The following POLR3E variants were observed in gnomAD, a reference collection of about 807,000 sequenced individuals.
The protein encoded by POLR3E is RNA polymerase III subunit E.
A neutral mutation model predicts 96.6 loss-of-function variants in POLR3E; 41 were observed. The ratio of observed to expected loss-of-function variants is 0.42; its 90% CI spans 0.33 to 0.55. POLR3E has a LOEUF of 0.55. Among genes scored for constraint, POLR3E ranks in the 20% least tolerant of loss-of-function variants. POLR3E has a pLI of 0.06. For synonymous variants in POLR3E, 396 were observed against 383.6 expected, an observed-to-expected ratio of 1.03 and a Z score of -0.38; for missense variants, 849 against 952.1, an observed-to-expected ratio of 0.89 and a Z score of 1.43.
intron 3 of POLR3E, among the ~76,000 whole-genome samples, chr16:22,305,792 T>C (rs886896462): frequency 6.6e-6 from 1 of 152,180 alleles, no homozygotes; most frequent in African/African-American, 2.4e-5. Flanking sequence ...GTGGCCAACA[T>C]GTATTGAGCA....
At chr16:22,298,873 C>T in intron 1 of POLR3E, 1 of 436,132 alleles carries the variant, frequency 2.3e-6, no homozygotes, top group Non-Finnish European at 4.6e-6. Context: ...TTGAGAGAAC[C>T]AGCACTGGAT....
chr16:22,321,355 A>G (rs1258109485), intron 13 of POLR3E, among the ~76,000 whole-genome samples: 3 of 152,240 alleles, frequency 2.0e-5, no homozygotes, highest in African/African-American at 7.2e-5. Context: ...AGAAAATACA[A>G]TGCCTTGAAA....
intron 3 of POLR3E, among the ~76,000 whole-genome samples, chr16:22,307,092 C>T (rs1326227237): frequency 1.3e-5 from 2 of 152,198 alleles, no homozygotes; most frequent in African/African-American, 2.4e-5. Context: ...CCTGAGCCAC[C>T]ATCGGCTCTG....
chr16:22,299,970 C>T (rs2047989283), intron 1 of POLR3E, among the ~76,000 whole-genome samples: 1 of 152,142 alleles, frequency 6.6e-6, no homozygotes, highest in Admixed American at 6.5e-5. Context: ...CCACCTAAGC[C>T]TCCCAAAGTG....
intron 1 of POLR3E, among the ~76,000 whole-genome samples, chr16:22,298,610 A>C (rs868325843): frequency 1.3e-5 from 2 of 152,130 alleles, no homozygotes; most frequent in Non-Finnish European, 2.9e-5. Flanking sequence ...TACCCACTTA[A>C]CCATACTGCC....
rs920180811 is a variant in POLR3E at position 22,322,020 on chromosome 16, T to G, written c.987-830T>G. On this transcript the variant is annotated intron_variant, in intron 13 of 20. Coordinates refer to ENST00000299853, the MANE Select transcript of POLR3E (RefSeq NM_018119.4). This position sits in a 1 kb window ranked among gnomAD's most constrained non-coding sequence, Gnocchi z 5.2. ...GGCTGTTACATTTGAGCTCCCTGAA[T>G]GCAGAGATCATGGCATGGACCAGGT... Among the ~76,000 whole-genome samples, 8 of 152,290 alleles carry G rather than the reference T, an allele frequency of 5.3e-5. No homozygotes were observed. The highest frequency in any genetic ancestry group is 3.9e-4 in the Admixed American group (6 of 15,298).
chr16:22,302,772 A>G, intron 1 of POLR3E, 159 bp from the exon 2 acceptor site: 1 of 676,616 alleles, frequency 1.5e-6, no homozygotes, highest in East Asian at 2.5e-5. Flanking sequence ...GATGGGGTAT[A>G]GGGTTGGTCA....
At chr16:22,316,532 C>T (rs2048358469) in intron 9 of POLR3E, 69 bp from the exon 10 acceptor site, 1 of 1,271,684 alleles carries the variant, frequency 7.9e-7, no homozygotes, top group Admixed American at 1.8e-5. Flanking sequence ...GACGGGAGGC[C>T]TTGGGGGAGG....
chr16:22,305,559 C>G (rs1364094796), intron 3 of POLR3E: 1 of 490,194 alleles, frequency 2.0e-6, no homozygotes, highest in Non-Finnish European at 4.0e-6. Context: ...GTGATAATGC[C>G]TGCCTCATAG....
chr16:22,316,601 G>A lies in POLR3E; in HGVS notation c.643G>A (p.Asp215Asn). Residue 215 changes from aspartate to asparagine, a missense_variant and splice_region_variant, in exon 10 of 21, where the codon GAC becomes AAC. Coordinates refer to ENST00000299853, the MANE Select transcript of POLR3E (RefSeq NM_018119.4). ...WVHLHYYGLRDSRSEHERQYL... is the reference protein window; with the variant it reads ...WVHLHYYGLRNSRSEHERQYL... ...CTCACACCCTGCCCTCCTCCAACAG[G>A]ACAGTCGCTCTGAGCATGAGCGTCA... is the stretch of plus-strand genomic sequence containing the variant. 2 of 1,613,228 alleles carry A rather than the reference G, an allele frequency of 1.2e-6. No homozygotes were observed. The highest frequency in any genetic ancestry group is 1.7e-6 in the Non-Finnish European group (2 of 1,179,266).
At chr16:22,325,642 G>C (rs916243151) in intron 17 of POLR3E, 119 bp from the exon 18 acceptor site, 2 of 1,245,162 alleles carry the variant, frequency 1.6e-6, no homozygotes, top group Non-Finnish European at 2.2e-6. Flanking sequence ...GCTGATTTTC[G>C]AGAAAGGTTG....
Position 22,313,593 on chromosome 16 carries a change from G to A in POLR3E, c.365-27G>A, listed in dbSNP as rs773688711. On this transcript the variant is annotated intron_variant, in intron 6 of 20. Transcript: ENST00000299853. This position sits in a 1 kb window ranked among gnomAD's most constrained non-coding sequence, Gnocchi z 4.1. ...CCAAACTGGGTGGGTTTCTAGAGTTGAGTCCAAGCCCTTCTTCCTCCGCCA... is the reference window on the plus strand; with the variant it reads ...CCAAACTGGGTGGGTTTCTAGAGTTAAGTCCAAGCCCTTCTTCCTCCGCCA... 1 of 1,526,808 alleles carries A rather than the reference G, an allele frequency of 6.5e-7. No individual in the cohort carries two copies. The highest frequency in any genetic ancestry group is 1.1e-5 in the South Asian group (1 of 89,210). 94.6% of individuals were successfully genotyped at this position (1,526,808 alleles called of 1,614,324 possible).
At chr16:22,312,216 C>T (rs975963147) in intron 6 of POLR3E, among the ~76,000 whole-genome samples, 3 of 152,052 alleles carry the variant, frequency 2.0e-5, no homozygotes, top group Non-Finnish European at 4.4e-5. Context: ...GAATTATGGC[C>T]GGGAGTGGTG....
chr16:22,305,217 G>T lies in POLR3E; in HGVS notation c.87+11G>T. On this transcript the variant is annotated intron_variant, in intron 3 of 20. Coordinates refer to ENST00000299853, the MANE Select transcript of POLR3E (RefSeq NM_018119.4). ...CTGTATCTATTTCAGGTAATTATGG[G>T]ACTTGAAGGTAAAGAGGGGAGAAGC... 3.8e-6 allele frequency: 6 copies of T among 1,598,414 alleles called. No individual in the cohort carries two copies. The highest frequency in any genetic ancestry group is 5.1e-6 in the Non-Finnish European group (6 of 1,165,900).
chr16:22,308,858 TG>T (rs2048185644), intron 4 of POLR3E, 66 bp from the exon 5 acceptor site: 3 of 1,055,716 alleles, frequency 2.8e-6, no homozygotes, highest in Non-Finnish European at 2.9e-6. Context: ...ATGGTGGGGT[TG>T]GGGTGTCCCT....
At position 22,325,754 on chromosome 16, in the gene POLR3E, C is replaced by T; in HGVS notation, c.1349-7C>T. ...CCTCCTGAGCAGTGCTGCCTCCCTCCCCGCAGGGCCTGCCGGGCTGGTCTG... is the reference window on the plus strand; with the variant it reads ...CCTCCTGAGCAGTGCTGCCTCCCTCTCCGCAGGGCCTGCCGGGCTGGTCTG... On this transcript the variant is annotated splice_polypyrimidine_tract_variant and splice_region_variant and intron_variant, in intron 17 of 20. Coordinates refer to ENST00000299853, the MANE Select transcript of POLR3E (RefSeq NM_018119.4). 6.5e-7 allele frequency: 1 copy of T among 1,547,174 alleles called. No individual in the cohort carries two copies. Among genetic ancestry groups the T allele is most frequent in the Non-Finnish European group, 8.7e-7 (1 of 1,149,238 alleles).
At chr16:22,307,556 G>A (rs1343413254) in intron 3 of POLR3E, among the ~76,000 whole-genome samples, 2 of 152,152 alleles carry the variant, frequency 1.3e-5, no homozygotes, top group Non-Finnish European at 2.9e-5. Flanking sequence ...CGTGTTGAGC[G>A]CATTGCTGTG....
intron 19 of POLR3E, chr16:22,331,804 C>CAT: frequency 2.7e-6 from 1 of 367,402 alleles, no homozygotes; most frequent in Non-Finnish European, 5.1e-6. Context: ...GTTATGCTGG[C>CAT]ATATACCTTT....
chr16:22,302,661 C>T (rs1420675258), intron 1 of POLR3E: 3 of 417,492 alleles, frequency 7.2e-6, no homozygotes, highest in African/African-American at 6.1e-5. Context: ...TAAAGCCAGT[C>T]ATTTGCCTTT....
Sources: allele counts gnomAD v4.1 joint callset (sites outside exome capture counted in the v4.1 genomes callset), GRCh38; gene constraint gnomAD v4.1.1; non-coding constraint Gnocchi (gnomAD v3.1); transcripts MANE v1.5; gene names NCBI Gene and HGNC (gene_info 2026-07-23, HGNC 2026-07-21).